The following RNF216 variants were observed in gnomAD, a reference collection of about 807,000 sequenced individuals.
RNF216 encodes ring finger protein 216, also known as E3 ubiquitin-protein ligase RNF216.
A neutral mutation model predicts 110.8 loss-of-function variants in RNF216; 72 were observed. The ratio of observed to expected loss-of-function variants is 0.65; its 90% CI spans 0.54 to 0.79. The LOEUF is 0.79. Ranked by LOEUF, RNF216 falls within the 30% of genes least tolerant of loss-of-function variation. The pLI is 0.00. For synonymous variants in RNF216, 495 were observed against 407.5 expected (o/e 1.21, Z -2.59); for missense variants, 1,342 against 1,141.2 (o/e 1.18, Z -2.54).
chr7:5,657,380 C>G (rs1788812903), intron 13 of RNF216, among the ~76,000 whole-genome samples: 9 of 152,096 alleles, frequency 5.9e-5, no homozygotes, highest in Admixed American at 5.9e-4. Flanking sequence ...CCAGCCTGAC[C>G]AACAGGGAGA....
intron 13 of RNF216, among the ~76,000 whole-genome samples, chr7:5,685,494 T>C (rs1790919613): frequency 6.6e-6 from 1 of 152,194 alleles, no homozygotes; most frequent in Non-Finnish European, 1.5e-5. Flanking sequence ...GGATGCACAC[T>C]AAACATTACA....
intron 1 of RNF216, among the ~76,000 whole-genome samples, chr7:5,768,292 G>A (rs2128677390): frequency 1.1e-5 from 1 of 94,522 alleles, no homozygotes; most frequent in East Asian, 2.3e-4. Flanking sequence ...CGCTATTAGG[G>A]GGAAAAAAAA....
At chr7:5,642,221 T>TG (rs892672555) in intron 14 of RNF216, among the ~76,000 whole-genome samples, 1 of 151,310 alleles carries the variant, frequency 6.6e-6, no homozygotes, top group African/African-American at 2.4e-5. Flanking sequence ...TGTTTTGTTT[T>TG]TTTTTTTTTG....
chr7:5,739,196 G>T, intron 5 of RNF216, 80 bp downstream of exon 5: 1 of 1,395,270 alleles, frequency 7.2e-7, no homozygotes, highest in South Asian at 1.7e-5. Flanking sequence ...ATTTAAAAAT[G>T]ATTAAAATGG....
chr7:5,734,549 A>T (rs1794278554), intron 5 of RNF216, among the ~76,000 whole-genome samples: 1 of 151,472 alleles, frequency 6.6e-6, no homozygotes, highest in African/African-American at 2.4e-5. Flanking sequence ...CACAATAAAG[A>T]ATATGTGGAA....
chr7:5,729,428 G>C lies in RNF216; in HGVS notation c.1389+4C>G, dbSNP rs751191569. On this transcript the variant is annotated splice_donor_region_variant and intron_variant, in intron 7 of 16. Coordinates refer to ENST00000389902, the MANE Select transcript of RNF216 (RefSeq NM_207111.4). ...GACCCCAACAGGAAGACCAAGTAGAGTACCTTTCGGGTGATTGCATAGTGT... is the reference window on the plus strand; with the variant it reads ...GACCCCAACAGGAAGACCAAGTAGACTACCTTTCGGGTGATTGCATAGTGT... 1.2e-6 allele frequency: 2 copies of C among 1,613,996 alleles called. No individual in the cohort carries two copies. The highest frequency in any genetic ancestry group is 2.2e-5 in the South Asian group (2 of 91,088).
chr7:5,779,353 G>A (rs1246826888), intron 1 of RNF216, among the ~76,000 whole-genome samples: 1 of 151,996 alleles, frequency 6.6e-6, no homozygotes, highest in East Asian at 1.9e-4. Flanking sequence ...TTGCCAGGGG[G>A]TCCAAAATCT....
At chr7:5,637,525 T>C (rs1562777234) in intron 15 of RNF216, among the ~76,000 whole-genome samples, 1 of 152,206 alleles carries the variant, frequency 6.6e-6, no homozygotes, top group Non-Finnish European at 1.5e-5. Context: ...TTCAAAACCA[T>C]GAGTAGCTCT....
chr7:5,621,808 CGAG>C lies in RNF216; in HGVS notation c.*1049_*1051del, dbSNP rs1786382998. On this transcript the variant is annotated 3_prime_UTR_variant, in exon 17 of 17. Transcript: ENST00000389902. ...TAGAAACCCAGGGCCGGACAGGAGG[CGAG>C]GAGGGTGAGTGGGGACATGGCAGGG... is the stretch of plus-strand genomic sequence containing the variant. 1 of 152,726 alleles carries C rather than the reference CGAG, an allele frequency of 6.5e-6. No homozygotes were observed. Among genetic ancestry groups the C allele is most frequent in the African/African-American group, 2.4e-5 (1 of 41,422 alleles). 9.5% of individuals were successfully genotyped at this position (152,726 alleles called of 1,614,324 possible).
chr7:5,667,315 C>T (rs1789593820), intron 13 of RNF216, among the ~76,000 whole-genome samples: 1 of 152,002 alleles, frequency 6.6e-6, no homozygotes, highest in South Asian at 2.1e-4. Context: ...TACTATAGGT[C>T]ACAAACAAAA....
At chr7:5,673,435 A>G (rs1790056119) in intron 13 of RNF216, among the ~76,000 whole-genome samples, 1 of 152,194 alleles carries the variant, frequency 6.6e-6, no homozygotes, top group Admixed American at 6.5e-5. Context: ...GAAGAGAAGA[A>G]GGGGCCAGAC....
At chr7:5,756,399 T>C (rs1461727073) in intron 2 of RNF216, among the ~76,000 whole-genome samples, 1 of 152,176 alleles carries the variant, frequency 6.6e-6, no homozygotes, top group Non-Finnish European at 1.5e-5. Context: ...ACAGAAACCA[T>C]ATGGCCCGCG....
chr7:5,720,635 G>C (rs573303548), intron 9 of RNF216, among the ~76,000 whole-genome samples: 1 of 152,160 alleles, frequency 6.6e-6, no homozygotes, highest in Non-Finnish European at 1.5e-5. Context: ...ACCCCCAAGA[G>C]AGTCTTGGGA....
intron 2 of RNF216, among the ~76,000 whole-genome samples, chr7:5,758,737 G>C (rs770579705): frequency 6.6e-6 from 1 of 152,174 alleles, no homozygotes; most frequent in Non-Finnish European, 1.5e-5. Flanking sequence ...TACCCCCATA[G>C]TATCTTGGGA....
At chr7:5,623,950 C>CTCCTCTCCTGTGCTGGGTTGAG in intron 16 of RNF216, 106 bp downstream of exon 16, 1 of 932,278 alleles carries the variant, frequency 1.1e-6, no homozygotes, top group East Asian at 2.5e-5. Flanking sequence ...ACAGCACCCC[C>CTCCTCTCCTGTGCTGGGTTGAG]TCCTCTCCTG....
intron 13 of RNF216, among the ~76,000 whole-genome samples, chr7:5,662,122 A>G (rs1439694876): frequency 6.6e-6 from 1 of 152,238 alleles, no homozygotes; most frequent in East Asian, 1.9e-4. Context: ...GCAGCTGTGC[A>G]GGATGTCTGC....
chr7:5,741,714 T>G lies in RNF216; in HGVS notation c.303A>C (p.Ala101=). ...AGCTGCTCTTATCTGATTCAAATGC[T>G]GCTCTAGACTTTTTAGGCCTTTCTT... ...LGEERPKKSR[A]AFESDKSSYF... Residue 101 remains alanine (A), a synonymous_variant, in exon 4 of 17, where the codon GCA becomes GCC. Coordinates refer to ENST00000389902, the MANE Select transcript of RNF216 (RefSeq NM_207111.4). 1 of 1,614,262 alleles carries G rather than the reference T, an allele frequency of 6.2e-7. No individual in the cohort carries two copies. Among genetic ancestry groups the G allele is most frequent in the Non-Finnish European group, 8.5e-7 (1 of 1,180,050 alleles).
At position 5,715,127 on chromosome 7, in the gene RNF216, A is replaced by G; in HGVS notation, c.1759T>C (p.Cys587Arg). ...TTGCAGAACAAGTGAGCATCTGCGC[A>G]CTGCGTCAGCTCCTCGAATGGAAAT... The part of the protein sequence containing the change: ...GEFPFEELTQ[C>R]ADAHLFCKEC... Residue 587 changes from cysteine (C) to arginine (R), a missense_variant, in exon 11 of 17, where the codon TGC becomes CGC. Coordinates refer to ENST00000389902, the MANE Select transcript of RNF216 (RefSeq NM_207111.4). 1 of 1,613,968 alleles carries G rather than the reference A, an allele frequency of 6.2e-7. No individual in the cohort carries two copies. Among genetic ancestry groups the G allele is most frequent in the Non-Finnish European group, 8.5e-7 (1 of 1,179,994 alleles).
chr7:5,726,768 A>G (rs999620063), intron 7 of RNF216, among the ~76,000 whole-genome samples: 1 of 151,880 alleles, frequency 6.6e-6, no homozygotes. Flanking sequence ...CTAAGGCATG[A>G]GAATCAGTGA....
Sources: allele counts gnomAD v4.1 joint callset (sites outside exome capture counted in the v4.1 genomes callset), GRCh38; gene constraint gnomAD v4.1.1; transcripts MANE v1.5; gene names NCBI Gene and HGNC (gene_info 2026-07-23, HGNC 2026-07-21).